Variants in FAM20C observed in about 807,000 individuals in gnomAD.
FAM20C encodes the protein FAM20C golgi associated secretory pathway kinase.
FAM20C carries 40 observed loss-of-function variants against 51.5 expected under a neutral mutation model. That is an observed-to-expected ratio of 0.78 (90% confidence interval 0.60 to 1.01). The LOEUF (loss-of-function observed/expected upper bound fraction) is 1.01, where lower values mean the gene tolerates loss of function less well. FAM20C is among the 50% of genes least tolerant of loss of function. FAM20C has a pLI of 0.00. For missense variants in FAM20C, 861 were observed against 844.7 expected, an observed-to-expected ratio of 1.02 and a Z score of -0.24; for synonymous variants, 406 against 380.6, an observed-to-expected ratio of 1.07 and a Z score of -0.78.
intron 6 of FAM20C, chr7:256,340 C>G (rs1362254410): frequency 5.2e-6 from 3 of 571,506 alleles, no homozygotes; most frequent in Non-Finnish European, 9.3e-6. Context: ...AGAAACGGCC[C>G]CTGTTCTTTC....
At chr7:196,385 G>A (rs1359066888) in intron 2 of FAM20C, among the ~76,000 whole-genome samples, 1 of 152,252 alleles carries the variant, frequency 6.6e-6, no homozygotes, top group African/African-American at 2.4e-5. Flanking sequence ...GCTTCTGAGC[G>A]TGGAGGTTTG....
At chr7:195,771 C>G (rs531086852) in intron 2 of FAM20C, 39 bp downstream of exon 2, 2 of 1,497,578 alleles carry the variant, frequency 1.3e-6, no homozygotes, top group South Asian at 1.4e-5. Context: ...GTCTGTGTGC[C>G]GGCTGTGTGG....
At chr7:229,820 G>C (rs963102868) in intron 3 of FAM20C, among the ~76,000 whole-genome samples, 1 of 152,096 alleles carries the variant, frequency 6.6e-6, no homozygotes, top group African/African-American at 2.4e-5. Flanking sequence ...GTGATGAGAA[G>C]ATTACCCAAG....
chr7:254,804 A>G (rs1014788469), intron 5 of FAM20C, among the ~76,000 whole-genome samples: 1 of 152,104 alleles, frequency 6.6e-6, no homozygotes, highest in Non-Finnish European at 1.5e-5. Flanking sequence ...CCCCCAGTCT[A>G]TCTGGATTTG....
At chr7:220,133 T>C (rs1037454745) in intron 3 of FAM20C, among the ~76,000 whole-genome samples, 12 of 152,194 alleles carry the variant, frequency 7.9e-5, no homozygotes, top group Non-Finnish European at 1.8e-4. Context: ...TCCACCTCAT[T>C]GGAAGCTGCC....
intron 3 of FAM20C, chr7:229,068 C>T (rs1364673443): frequency 1.7e-5 from 6 of 352,266 alleles, no homozygotes; most frequent in Non-Finnish European, 2.8e-5. Context: ...GTCAGCCCCA[C>T]GGGGGCCACT....
In FAM20C at chr7:248,394, G is replaced by A. The variant is rs1483948624; in HGVS notation, c.1036G>A (p.Asp346Asn). 2 of 1,537,212 alleles carry A rather than the reference G, an allele frequency of 1.3e-6. No individual in the cohort carries two copies. Among genetic ancestry groups the A allele is most frequent in the South Asian group, 1.2e-5 (1 of 84,064 alleles). ...MTKEIRDVTR[D>N]KKLWRTFFIS... Reference sequence around the variant, plus strand: ...CAAGGAGATCCGGGACGTCACACGGGACAAGAAGCTCTGGAGGACCTTCTT... The same window carrying A: ...CAAGGAGATCCGGGACGTCACACGGAACAAGAAGCTCTGGAGGACCTTCTT... Residue 346 changes from aspartate (D) to asparagine (N), a missense_variant, in exon 5 of 10, where the codon GAC (aspartate) becomes AAC (asparagine). Asp to Asn is a conservative substitution (Grantham distance 23, BLOSUM62 1). Coordinates refer to ENST00000313766, the MANE Select transcript of FAM20C (RefSeq NM_020223.4).
At chr7:222,782 G>A (rs1019506100) in intron 3 of FAM20C, among the ~76,000 whole-genome samples, 8 of 152,188 alleles carry the variant, frequency 5.3e-5, no homozygotes, top group African/African-American at 1.7e-4. Context: ...GTAGGTGAGC[G>A]TGTGGGTGTG....
chr7:254,777 C>T (rs904587006), intron 5 of FAM20C, among the ~76,000 whole-genome samples: 4 of 152,210 alleles, frequency 2.6e-5, no homozygotes, highest in Non-Finnish European at 4.4e-5. Flanking sequence ...CCGCAGCCCT[C>T]GACGAGCAGC....
intron 2 of FAM20C, among the ~76,000 whole-genome samples, chr7:206,630 G>A (rs1184409232): frequency 1.4e-5 from 2 of 143,164 alleles, no homozygotes; most frequent in African/African-American, 2.6e-5. Flanking sequence ...TGGTCCCCTC[G>A]GCCCCGCACA....
chr7:200,748 T>C (rs1399528322), intron 2 of FAM20C, among the ~76,000 whole-genome samples: 1 of 152,190 alleles, frequency 6.6e-6, no homozygotes, highest in Admixed American at 6.5e-5. Flanking sequence ...GGGTGGTGTG[T>C]GATGGACGGG....
At chr7:248,664 G>GA (rs1788275328) in intron 5 of FAM20C, among the ~76,000 whole-genome samples, 1 of 141,270 alleles carries the variant, frequency 7.1e-6, no homozygotes. Flanking sequence ...CTGGCACGGG[G>GA]GCCCACATTC....
intron 5 of FAM20C, among the ~76,000 whole-genome samples, chr7:253,893 C>T (rs530771928): frequency 2.6e-5 from 4 of 152,370 alleles, no homozygotes; most frequent in East Asian, 3.9e-4. Context: ...AGCCAATGAG[C>T]GCTCAGATGA....
At position 255,872 on chromosome 7, in the gene FAM20C, G is replaced by A. The variant is rs754919459; in HGVS notation, c.1096G>A (p.Glu366Lys). Residue 366 changes from glutamate to lysine, a missense_variant, in exon 6 of 10, where the codon GAG (glutamate) becomes AAG (lysine). This residue lies in a region of FAM20C where 31 missense variants were observed against 61.1 expected (regional missense o/e 0.51). Coordinates refer to ENST00000313766, the MANE Select transcript of FAM20C (RefSeq NM_020223.4). ...SPANNICFYGECSYYCSTEHA... is the reference protein window; with the variant it reads ...SPANNICFYGKCSYYCSTEHA... The stretch of plus-strand genomic sequence containing the variant: ...AGCCAACAACATCTGCTTCTACGGC[G>A]AGTGTTCCTACTACTGCTCCACGGA... The A allele has an allele frequency of 7.0e-5, 108 of 1,536,324 alleles. No individual in the cohort carries two copies. The highest frequency in any genetic ancestry group is 8.7e-5 in the Non-Finnish European group (100 of 1,146,862).
intron 2 of FAM20C, among the ~76,000 whole-genome samples, chr7:201,980 T>G (rs1054641352): frequency 1.3e-5 from 2 of 152,350 alleles, no homozygotes; most frequent in Non-Finnish European, 1.5e-5. Context: ...TTAATAATGA[T>G]GAATCAATAG....
chr7:246,558 C>A, intron 4 of FAM20C, 51 bp downstream of exon 4: 1 of 1,193,960 alleles, frequency 8.4e-7, no homozygotes. Flanking sequence ...CTCAGACCCA[C>A]CGGTGAGTGA....
At chr7:194,776 CCCA>C (rs1785766943) in intron 1 of FAM20C, among the ~76,000 whole-genome samples, 23 of 148,652 alleles carry the variant, frequency 1.5e-4, no homozygotes, top group Non-Finnish European at 2.1e-4. Context: ...ATCCTAGCCC[CCCA>C]CCCCGCCCCC....
intron 5 of FAM20C, among the ~76,000 whole-genome samples, chr7:253,078 G>C (rs1270281968): frequency 6.6e-6 from 1 of 152,194 alleles, no homozygotes; most frequent in Non-Finnish European, 1.5e-5. Flanking sequence ...CGGTGGCCTG[G>C]GCTGGGCAGG....
At chr7:245,186 C>T (rs1008016630) in intron 3 of FAM20C, among the ~76,000 whole-genome samples, 13 of 152,228 alleles carry the variant, frequency 8.5e-5, no homozygotes, top group African/African-American at 2.2e-4. Context: ...GGAAAGTGAC[C>T]GGGGCGGCGT....
Sources: gnomAD v4.1 joint callset for allele counts (sites outside exome capture counted in the v4.1 genomes callset) on GRCh38, gnomAD v4.1.1 for gene constraint, gnomAD v4.1.1 regional missense constraint, MANE v1.5 for transcripts, NCBI Gene and HGNC (gene_info 2026-07-23, HGNC 2026-07-21) for gene names.